The following SCAMP1 variants were observed in gnomAD, a reference collection of about 807,000 sequenced individuals.
SCAMP1 encodes the protein secretory carrier-associated membrane protein 1.
A neutral mutation model predicts 41.8 loss-of-function variants in SCAMP1; 15 were observed. The ratio of observed to expected loss-of-function variants is 0.36; its 90% CI spans 0.24 to 0.55. The LOEUF (loss-of-function observed/expected upper bound fraction) is 0.55, where lower values mean the gene tolerates loss of function less well. Among genes scored for constraint, SCAMP1 ranks in the 20% least tolerant of loss-of-function variants. The pLI is 0.86. For missense variants in SCAMP1, 341 were observed against 412.6 expected (o/e 0.83, Z 1.50); for synonymous variants, 135 against 136.8 (o/e 0.99, Z 0.09).
rs36069710 is a variant in SCAMP1 at position 78,407,476 on chromosome 5, C to CT, written c.136-8034dup. Among the ~76,000 whole-genome samples, 1,022 of 149,940 alleles carry CT rather than the reference C, an allele frequency of 6.8e-3. 3 individuals carry two copies. The highest frequency in any genetic ancestry group is 0.021 in the South Asian group (101 of 4,714). On this transcript the variant is annotated intron_variant, in intron 2 of 8. Transcript: ENST00000621999. ...GACCTTCCTTTGTGTGGGAATTATC[C>CT]TTTTTTTTTTCTTGCAGTTTTTAAG...
intron 2 of SCAMP1, among the ~76,000 whole-genome samples, chr5:78,393,576 A>G (rs1386504347): frequency 6.6e-6 from 1 of 152,252 alleles, no homozygotes; most frequent in African/African-American, 2.4e-5. Context: ...TGACAGTGTC[A>G]TGAAAGCCTC....
chr5:78,401,202 T>C (rs1751788394), intron 2 of SCAMP1, among the ~76,000 whole-genome samples: 1 of 152,180 alleles, frequency 6.6e-6, no homozygotes, highest in Admixed American at 6.5e-5. Flanking sequence ...CTTGGTTTTG[T>C]ATGTGATTCG....
At chr5:78,473,905 G>C (rs947198494) in intron 8 of SCAMP1, among the ~76,000 whole-genome samples, 70 of 152,156 alleles carry the variant, frequency 4.6e-4, no homozygotes, top group African/African-American at 1.6e-3. Context: ...TTAAACAACA[G>C]ATAATGATTT....
intron 1 of SCAMP1, among the ~76,000 whole-genome samples, chr5:78,369,743 T>C (rs1344517353): frequency 1.3e-5 from 2 of 152,222 alleles, no homozygotes; most frequent in East Asian, 3.8e-4. Flanking sequence ...ATCGACCATA[T>C]TGGATATTGG....
intron 6 of SCAMP1, among the ~76,000 whole-genome samples, chr5:78,437,451 T>C (rs1196962135): frequency 7.9e-5 from 12 of 152,386 alleles, no homozygotes. Context: ...AAAGGCCTTT[T>C]CTGCATCTAT....
At chr5:78,362,543 T>G (rs926264241) in intron 1 of SCAMP1, among the ~76,000 whole-genome samples, 3 of 152,212 alleles carry the variant, frequency 2.0e-5, no homozygotes, top group Admixed American at 2.0e-4. Context: ...TTTTTGTTCT[T>G]TTATAAGTGG....
chr5:78,463,723 T>G (rs959451238), intron 8 of SCAMP1, among the ~76,000 whole-genome samples: 1 of 152,012 alleles, frequency 6.6e-6, no homozygotes, highest in African/African-American at 2.4e-5. Context: ...GGCTTATGGG[T>G]GGGGTGGGGA....
chr5:78,431,971 T>C (rs991655380), intron 6 of SCAMP1, among the ~76,000 whole-genome samples: 1 of 152,154 alleles, frequency 6.6e-6, no homozygotes, highest in African/African-American at 2.4e-5. Context: ...TTACAAACAA[T>C]TTAGTTATAC....
At chr5:78,381,046 GCAACAGCAAGA>G (rs1435794726) in intron 1 of SCAMP1, among the ~76,000 whole-genome samples, 6 of 151,240 alleles carry the variant, frequency 4.0e-5, no homozygotes, top group African/African-American at 1.5e-4. Context: ...AGCAGCCTGG[GCAACAGCAAGA>G]CTCCGTCTCA....
intron 6 of SCAMP1, among the ~76,000 whole-genome samples, chr5:78,446,163 G>A (rs1191380050): frequency 6.6e-6 from 1 of 152,170 alleles, no homozygotes; most frequent in Non-Finnish European, 1.5e-5. Context: ...GCATTTGTGT[G>A]TACTAACTGT....
rs368124558 is a variant in SCAMP1 at position 78,361,601 on chromosome 5, C to T, written c.57+873C>T. On this transcript the variant is annotated intron_variant, in intron 1 of 8. Coordinates refer to ENST00000621999, the MANE Select transcript of SCAMP1 (RefSeq NM_004866.6). ...AAAGGAAGGCGGCTGAGATATTCAT[C>T]GTCTGCGTTTAAATGAATGCAACAT... Among the ~76,000 whole-genome samples, 10 of 152,336 alleles carry T rather than the reference C, an allele frequency of 6.6e-5. No homozygotes were observed. The East Asian group carries it at 1.5e-3, about 23-fold the overall frequency.
intron 1 of SCAMP1, among the ~76,000 whole-genome samples, chr5:78,361,368 CAT>C (rs1561245399): frequency 7.9e-5 from 12 of 152,252 alleles, no homozygotes; most frequent in Admixed American, 7.2e-4. Context: ...TAAAAATAAA[CAT>C]ATCTGGAAAA....
intron 8 of SCAMP1, among the ~76,000 whole-genome samples, chr5:78,461,476 G>C (rs1051763067): frequency 6.6e-6 from 1 of 152,194 alleles, no homozygotes; most frequent in South Asian, 2.1e-4. Flanking sequence ...TTAAAGATCA[G>C]TTGGTTGTAG....
At position 78,397,796 on chromosome 5, in the gene SCAMP1, T is replaced by C. The variant is rs564796396; in HGVS notation, c.135+8882T>C. ...ATTGACCAGGAGTGGTGAGTCCACA[T>C]GGACTCAGATGTTTCTCCTTAGAAG... is the stretch of plus-strand genomic sequence containing the variant. On this transcript the variant is annotated intron_variant, in intron 2 of 8. Coordinates refer to ENST00000621999, the MANE Select transcript of SCAMP1 (RefSeq NM_004866.6). Among the ~76,000 whole-genome samples the C allele has an allele frequency of 9.2e-5, 14 of 152,258 alleles. No homozygotes were observed. The South Asian group carries it at 2.7e-3, about 29-fold the overall frequency.
At chr5:78,449,888 TC>T in intron 6 of SCAMP1, 44 bp from the exon 7 acceptor site, 1 of 1,049,038 alleles carries the variant, frequency 9.5e-7, no homozygotes. Flanking sequence ...CTTCTTTCTC[TC>T]CCCCTAACCC....
intron 6 of SCAMP1, among the ~76,000 whole-genome samples, chr5:78,424,645 G>C (rs1269593882): frequency 6.6e-6 from 1 of 152,058 alleles, no homozygotes; most frequent in Non-Finnish European, 1.5e-5. Flanking sequence ...GCCTGAACCC[G>C]GGAGGCAGAG....
chr5:78,437,437 T>C (rs1038154848), intron 6 of SCAMP1, among the ~76,000 whole-genome samples: 2 of 152,260 alleles, frequency 1.3e-5, no homozygotes, highest in African/African-American at 4.8e-5. Context: ...TGTTGAATTT[T>C]GTCAAAGGCC....
At chr5:78,471,454 A>G (rs1031482556) in intron 8 of SCAMP1, among the ~76,000 whole-genome samples, 2 of 152,126 alleles carry the variant, frequency 1.3e-5, no homozygotes, top group Non-Finnish European at 2.9e-5. Context: ...TCAAAACAAG[A>G]ATTTAAAAAA....
At chr5:78,378,748 TTTAAA>T (rs1273178990) in intron 1 of SCAMP1, among the ~76,000 whole-genome samples, 3 of 152,216 alleles carry the variant, frequency 2.0e-5, no homozygotes, top group African/African-American at 4.8e-5. Flanking sequence ...CCACATGATA[TTTAAA>T]TTAAACTCTG....
Sources: allele counts gnomAD v4.1 joint callset (sites outside exome capture counted in the v4.1 genomes callset), GRCh38; gene constraint gnomAD v4.1.1; transcripts MANE v1.5; gene names NCBI Gene and HGNC (gene_info 2026-07-23, HGNC 2026-07-21).